Variants in RIT2 observed in about 807,000 individuals in gnomAD.
RIT2 encodes Ras like without CAAX 2.
A neutral mutation model predicts 23.7 loss-of-function variants in RIT2; 24 were observed. The ratio of observed to expected loss-of-function variants is 1.01; its 90% CI spans 0.73 to 1.43. The LOEUF (loss-of-function observed/expected upper bound fraction) is 1.43, where lower values mean the gene tolerates loss of function less well. Among genes scored for constraint, RIT2 ranks in the 40% most tolerant of loss-of-function variants. The pLI is 0.00. For missense variants in RIT2, 236 were observed against 266.9 expected (o/e 0.88, Z 0.81); for synonymous variants, 107 against 91.1 (o/e 1.17, Z -0.99).
chr18:42,971,761 T>C (rs180832623), intron 3 of RIT2, among the ~76,000 whole-genome samples: 250 of 152,086 alleles, frequency 1.6e-3, no homozygotes, highest in African/African-American at 5.5e-3. Flanking sequence ...GGACAAAGGG[T>C]TATCTGCAGC....
At chr18:42,855,866 T>A (rs1185232927) in intron 4 of RIT2, among the ~76,000 whole-genome samples, 1 of 152,198 alleles carries the variant, frequency 6.6e-6, no homozygotes, top group East Asian at 1.9e-4. Flanking sequence ...CTACTATACA[T>A]AGATAACTCT....
In RIT2 at chr18:42,767,934, C is replaced by A. The variant is rs143121305; in HGVS notation, c.427-24214G>T. ...GCCTCCCACCATGATTTTGAAGCCT[C>A]CCCAGCCATGTGGAACTGTAAGTCC... On this transcript the variant is annotated intron_variant, in intron 4 of 4. Transcript: ENST00000326695. Among the ~76,000 whole-genome samples the A allele has an allele frequency of 3.7e-3, 557 of 152,210 alleles. 1 individual carries two copies. The highest frequency in any genetic ancestry group is 0.013 in the African/African-American group (527 of 41,542).
intron 1 of RIT2, among the ~76,000 whole-genome samples, chr18:43,114,805 C>A (rs927476871): frequency 1.3e-5 from 2 of 152,108 alleles, no homozygotes; most frequent in Non-Finnish European, 2.9e-5. Flanking sequence ...GTAGCTTTCT[C>A]CTTTAATTGA....
chr18:43,059,949 C>A (rs1045931719), intron 1 of RIT2, among the ~76,000 whole-genome samples: 1 of 152,054 alleles, frequency 6.6e-6, no homozygotes, highest in Non-Finnish European at 1.5e-5. Flanking sequence ...AGTAACCCCA[C>A]CTCAGAGGCT....
intron 3 of RIT2, among the ~76,000 whole-genome samples, chr18:42,947,303 G>A (rs539444371): frequency 4.6e-5 from 7 of 152,220 alleles, no homozygotes; most frequent in Admixed American, 4.6e-4. Context: ...CCTTTGTCTT[G>A]AAAACACAGT....
intron 4 of RIT2, among the ~76,000 whole-genome samples, chr18:42,758,225 C>T (rs1322649330): frequency 6.6e-6 from 1 of 152,038 alleles, no homozygotes; most frequent in Non-Finnish European, 1.5e-5. Context: ...AAAAGACGTA[C>T]AATTTCAAAA....
Position 43,054,888 on chromosome 18 carries a change from A to G in RIT2, c.104-21021T>C, listed in dbSNP as rs183218443. 5.8e-3 allele frequency among the ~76,000 whole-genome samples: 890 copies of G among 152,230 alleles called. 4 individuals carry two copies. Among genetic ancestry groups the G allele is most frequent in the Non-Finnish European group, 0.01 (693 of 67,990 alleles). ...TGCAAAACCAAGAAGAAATCCTGAC[A>G]TGCAGAGATGCCCTCATGGTGATAT... is the stretch of plus-strand genomic sequence containing the variant. On this transcript the variant is annotated intron_variant, in intron 1 of 4. Transcript: ENST00000326695.
intron 4 of RIT2, among the ~76,000 whole-genome samples, chr18:42,825,042 T>A (rs1461839776): frequency 6.6e-6 from 1 of 151,910 alleles, no homozygotes; most frequent in Non-Finnish European, 1.5e-5. Context: ...AGTTCTACAA[T>A]TTTGACTGAA....
chr18:42,749,849 G>A (rs555153413), intron 4 of RIT2, among the ~76,000 whole-genome samples: 51 of 151,926 alleles, frequency 3.4e-4, no homozygotes, highest in African/African-American at 1.2e-3. Context: ...TCTATGACCA[G>A]AAGCCTTCTT....
chr18:43,068,098 T>C (rs1912811967), intron 1 of RIT2, among the ~76,000 whole-genome samples: 3 of 152,172 alleles, frequency 2.0e-5, no homozygotes, highest in African/African-American at 7.2e-5. Flanking sequence ...AATTGTAAGA[T>C]TCAACAACTT....
At chr18:42,761,741 G>A (rs1158109518) in intron 4 of RIT2, among the ~76,000 whole-genome samples, 2 of 152,138 alleles carry the variant, frequency 1.3e-5, no homozygotes, top group South Asian at 2.1e-4. Flanking sequence ...GCAGTGGCAC[G>A]ATCTTGGCTC....
At chr18:42,804,347 A>G (rs1304364469) in intron 4 of RIT2, among the ~76,000 whole-genome samples, 2 of 152,076 alleles carry the variant, frequency 1.3e-5, no homozygotes, top group East Asian at 3.9e-4. Flanking sequence ...TGAGGTTAGG[A>G]GTTCAAGACC....
chr18:43,069,135 G>C (rs1240120607), intron 1 of RIT2, among the ~76,000 whole-genome samples: 1 of 152,142 alleles, frequency 6.6e-6, no homozygotes, highest in Non-Finnish European at 1.5e-5. Context: ...GCAAAATATA[G>C]TAATGAAGAA....
rs1173693509 is a variant in RIT2, at chr18:42,990,907, G to GTT, written c.161-16762_161-16761dup. On this transcript the variant is annotated intron_variant, in intron 2 of 4. Coordinates refer to ENST00000326695, the MANE Select transcript of RIT2 (RefSeq NM_002930.4). Reference sequence around the variant, plus strand: ...AAGCTGCTCCTATTATGCTACACTGGTTTTGTTTTTTTTTTTTTTTTTTTA... The same window carrying GTT: ...AAGCTGCTCCTATTATGCTACACTGGTTTTTTGTTTTTTTTTTTTTTTTTTTA... Among the ~76,000 whole-genome samples the GTT allele has an allele frequency of 1.2e-3, 80 of 66,284 alleles. No homozygotes were observed. The East Asian group carries it at 0.018, about 15-fold the overall frequency. The allele number at this position is 66,284 out of a possible 152,430, so 43.5% of individuals were successfully genotyped here.
At chr18:42,817,526 A>G (rs1486074447) in intron 4 of RIT2, among the ~76,000 whole-genome samples, 1 of 152,200 alleles carries the variant, frequency 6.6e-6, no homozygotes, top group Non-Finnish European at 1.5e-5. Context: ...AAAATAACAG[A>G]TTAGCATGGC....
Position 42,919,501 on chromosome 18 carries a change from G to C in RIT2, c.426+4071C>G, listed in dbSNP as rs2144128707. ...AGCCGAGGCTGGAGGATCACCTGAG[G>C]TCAGGAGATCAAGACCAGCCTGGCC... On this transcript the variant is annotated intron_variant, in intron 4 of 4. Coordinates refer to ENST00000326695, the MANE Select transcript of RIT2 (RefSeq NM_002930.4). Among the ~76,000 whole-genome samples the C allele has an allele frequency of 1.3e-5, 2 of 152,194 alleles. 1 individual carries two copies. The highest frequency in any genetic ancestry group is 4.1e-4 in the South Asian group (2 of 4,820).
Position 42,974,061 on chromosome 18 carries a change from G to C in RIT2, c.234+13C>G. The C allele has an allele frequency of 6.3e-7, 1 of 1,595,852 alleles. No individual in the cohort carries two copies. Among genetic ancestry groups the C allele is most frequent in the Non-Finnish European group, 8.6e-7 (1 of 1,165,102 alleles). On this transcript the variant is annotated intron_variant, in intron 3 of 4. Coordinates refer to ENST00000326695, the MANE Select transcript of RIT2 (RefSeq NM_002930.4). ...AAACTCAGAGATTGGAGAGGTTTAA[G>C]AACATCACCTACCTGGCCAGCAGTG...
chr18:42,939,299 G>T (rs1909536963), intron 3 of RIT2, among the ~76,000 whole-genome samples: 1 of 152,104 alleles, frequency 6.6e-6, no homozygotes, highest in South Asian at 2.1e-4. Context: ...GTGCAATGAA[G>T]TTAAAAAGAG....
chr18:42,919,876 G>C (rs970833271), intron 4 of RIT2, among the ~76,000 whole-genome samples: 10 of 152,074 alleles, frequency 6.6e-5, no homozygotes, highest in Non-Finnish European at 8.8e-5. Context: ...TCTCCAGTGG[G>C]AAGACAGAAG....
Sources: gnomAD v4.1 joint callset for allele counts (sites outside exome capture counted in the v4.1 genomes callset) on GRCh38, gnomAD v4.1.1 for gene constraint, MANE v1.5 for transcripts, NCBI Gene and HGNC (gene_info 2026-07-23, HGNC 2026-07-21) for gene names.